SDCCAG8: variants seen among roughly 807,000 people sequenced by gnomAD.
SDCCAG8 encodes the protein serologically defined colon cancer antigen 8.
A neutral mutation model predicts 101.8 loss-of-function variants in SDCCAG8; 74 were observed. The observed-to-expected ratio is 0.73, with a 90% CI of 0.60 to 0.88. The LOEUF is 0.88. SDCCAG8 is among the 40% of genes least tolerant of loss of function. The probability of loss-of-function intolerance (pLI) is 0.00; values close to 1 mark genes in which losing one functional copy is unlikely to be tolerated. For synonymous variants in SDCCAG8, 281 were observed against 292.9 expected, an observed-to-expected ratio of 0.96 and a Z score of 0.41; for missense variants, 787 against 822.6, an observed-to-expected ratio of 0.96 and a Z score of 0.53.
chr1:243,377,601 A>C (rs2077673503), intron 12 of SDCCAG8, among the ~76,000 whole-genome samples: 2 of 151,990 alleles, frequency 1.3e-5, no homozygotes, highest in Admixed American at 1.3e-4. Flanking sequence ...TGAATTCAAG[A>C]AAAAATGTAA....
In SDCCAG8 at chr1:243,464,928, A is replaced by C. The variant is rs79086635; in HGVS notation, c.1986-24086A>C. On this transcript the variant is annotated intron_variant, in intron 16 of 17. Transcript: ENST00000366541. Reference sequence around the variant, plus strand: ...TTCTGTGTGTTGTTTTTCCATTCTAATGTCTGTATTTTAATTGAATCGACT... The same window carrying C: ...TTCTGTGTGTTGTTTTTCCATTCTACTGTCTGTATTTTAATTGAATCGACT... Among the ~76,000 whole-genome samples, 1,029 of 152,270 alleles carry C rather than the reference A, an allele frequency of 6.8e-3. 12 individuals carry two copies. The highest frequency in any genetic ancestry group is 0.023 in the African/African-American group (939 of 41,554).
At chr1:243,268,012 TTCTTTC>T (rs2067771766) in intron 1 of SDCCAG8, 9 of 779,100 alleles carry the variant, frequency 1.2e-5, no homozygotes, top group South Asian at 2.7e-5. Flanking sequence ...GATCCTTCTT[TTCTTTC>T]TCTTTAGGTT....
At chr1:243,487,278 G>A (rs1368766219) in intron 16 of SDCCAG8, among the ~76,000 whole-genome samples, 2 of 152,176 alleles carry the variant, frequency 1.3e-5, no homozygotes, top group Non-Finnish European at 1.5e-5. Context: ...CCCCCCCCTG[G>A]GGCCTTGCAG....
intron 13 of SDCCAG8, 123 bp from the exon 14 acceptor site, chr1:243,415,579 G>T: frequency 1.5e-6 from 2 of 1,357,956 alleles, no homozygotes; most frequent in Non-Finnish European, 2.1e-6. Context: ...TCATTAGAAA[G>T]GTCCTTGTCT....
intron 10 of SDCCAG8, among the ~76,000 whole-genome samples, chr1:243,333,447 T>C (rs970764240): frequency 7.9e-5 from 12 of 152,356 alleles, no homozygotes; most frequent in East Asian, 3.9e-4. Context: ...TCAGTGTGTT[T>C]GAAACTCACC....
intron 9 of SDCCAG8, 130 bp from the exon 10 acceptor site, chr1:243,330,410 A>C: frequency 1.2e-6 from 1 of 860,546 alleles, no homozygotes; most frequent in Non-Finnish European, 1.8e-6. Context: ...GATAAACAAT[A>C]AAAAATTATT....
intron 1 of SDCCAG8, among the ~76,000 whole-genome samples, chr1:243,263,852 G>T (rs1400354228): frequency 2.6e-5 from 4 of 152,084 alleles, no homozygotes; most frequent in Non-Finnish European, 5.9e-5. Flanking sequence ...CTGATTTTTT[G>T]ATTCTGCTGT....
chr1:243,397,949 T>TA (rs2079128301), intron 13 of SDCCAG8, among the ~76,000 whole-genome samples: 2 of 152,254 alleles, frequency 1.3e-5, no homozygotes, highest in African/African-American at 2.4e-5. Flanking sequence ...ACATACCACT[T>TA]ATGTGGGCCC....
At chr1:243,321,768 C>T (rs2073777003) in intron 9 of SDCCAG8, among the ~76,000 whole-genome samples, 1 of 152,160 alleles carries the variant, frequency 6.6e-6, no homozygotes, top group Non-Finnish European at 1.5e-5. Context: ...TCTGTCTCAG[C>T]CTCCCGAGTA....
chr1:243,256,192 A>G lies in SDCCAG8; in HGVS notation c.19A>G (p.Asn7Asp), dbSNP rs769155506. 1.2e-6 allele frequency: 2 copies of G among 1,614,184 alleles called. No homozygotes were observed. The highest frequency in any genetic ancestry group is 2.2e-5 in the South Asian group (2 of 91,088). Reference protein sequence around the residue: MAKSPENSTLEEILGQY... With the variant: MAKSPEDSTLEEILGQY... ...TGCGTGCATGGCGAAGTCCCCGGAG[A>G]ACTCTACCCTGGAGGAGATTCTGGG... Residue 7 changes from asparagine to aspartate, a missense_variant, in exon 1 of 18, where the codon AAC becomes GAC. Asn to Asp is a conservative substitution (Grantham distance 23, BLOSUM62 1). Transcript: ENST00000366541.
intron 16 of SDCCAG8, among the ~76,000 whole-genome samples, chr1:243,471,375 T>C (rs1488438337): frequency 2.6e-5 from 4 of 152,258 alleles, no homozygotes; most frequent in East Asian, 3.8e-4. Context: ...CTTCATTTAA[T>C]GTTCTTCGAA....
At chr1:243,454,946 G>C (rs185155525) in intron 16 of SDCCAG8, among the ~76,000 whole-genome samples, 1 of 152,012 alleles carries the variant, frequency 6.6e-6, no homozygotes, top group Non-Finnish European at 1.5e-5. Flanking sequence ...GAAATAAACT[G>C]CTTGACAAAA....
At chr1:243,383,068 T>C (rs1035584209) in intron 13 of SDCCAG8, among the ~76,000 whole-genome samples, 9 of 152,168 alleles carry the variant, frequency 5.9e-5, no homozygotes, top group African/African-American at 1.7e-4. Context: ...AAGGTATTCA[T>C]TGTAGCTAAG....
chr1:243,377,548 A>G (rs2077670525), intron 12 of SDCCAG8, among the ~76,000 whole-genome samples: 1 of 151,994 alleles, frequency 6.6e-6, no homozygotes, highest in Non-Finnish European at 1.5e-5. Flanking sequence ...TTGTTGGTTA[A>G]TGTATGGTTT....
intron 2 of SDCCAG8, 95 bp from the exon 3 acceptor site, chr1:243,270,883 A>T: frequency 1.1e-6 from 1 of 873,818 alleles, no homozygotes; most frequent in Non-Finnish European, 2.0e-6. Flanking sequence ...GATGCATAAT[A>T]TATCAGCAAT....
chr1:243,370,436 T>G (rs150604244), intron 12 of SDCCAG8, among the ~76,000 whole-genome samples: 1 of 152,248 alleles, frequency 6.6e-6, no homozygotes, highest in African/African-American at 2.4e-5. Flanking sequence ...AAAGTCTTTA[T>G]TAAACCTGTC....
chr1:243,373,269 A>C (rs1421724857), intron 12 of SDCCAG8, among the ~76,000 whole-genome samples: 2 of 152,100 alleles, frequency 1.3e-5, no homozygotes, highest in African/African-American at 2.4e-5. Flanking sequence ...TCTTCAACCC[A>C]AAATTTCTTA....
At chr1:243,299,676 A>G (rs2071304026) in intron 6 of SDCCAG8, among the ~76,000 whole-genome samples, 1 of 152,000 alleles carries the variant, frequency 6.6e-6, no homozygotes, top group Non-Finnish European at 1.5e-5. Context: ...GGCCTCCCAC[A>G]GTGCTGGGAT....
intron 16 of SDCCAG8, among the ~76,000 whole-genome samples, chr1:243,441,257 G>C (rs1277754251): frequency 6.6e-6 from 1 of 152,220 alleles, no homozygotes; most frequent in Non-Finnish European, 1.5e-5. Flanking sequence ...GCTGCTAAGT[G>C]AAGCTCACAC....
Sources: allele counts gnomAD v4.1 joint callset (sites outside exome capture counted in the v4.1 genomes callset), GRCh38; gene constraint gnomAD v4.1.1; transcripts MANE v1.5; gene names NCBI Gene and HGNC (gene_info 2026-07-23, HGNC 2026-07-21).